The following RIPOR2 variants were observed in gnomAD, a reference collection of about 807,000 sequenced individuals.
The protein encoded by RIPOR2 is rho family-interacting cell polarization regulator 2.
A neutral mutation model predicts 114.5 loss-of-function variants in RIPOR2; 39 were observed. The ratio of observed to expected loss-of-function variants is 0.34; its 90% CI spans 0.26 to 0.44. The LOEUF is 0.44. Ranked by LOEUF, RIPOR2 falls within the 20% of genes least tolerant of loss-of-function variation. RIPOR2 has a pLI of 1.00. For synonymous variants in RIPOR2, 445 were observed against 484.4 expected, an observed-to-expected ratio of 0.92 and a Z score of 1.07; for missense variants, 1,007 against 1,255.1, an observed-to-expected ratio of 0.80 and a Z score of 2.99.
chr6:24,848,871 C>G (rs553503584), intron 11 of RIPOR2, among the ~76,000 whole-genome samples: 51 of 152,266 alleles, frequency 3.3e-4, no homozygotes, highest in African/African-American at 1.2e-3. Flanking sequence ...GGCAATATAC[C>G]GGGGGCATTA....
Position 24,842,943 on chromosome 6 carries a change from A to G in RIPOR2, c.1776T>C (p.Leu592=). The G allele has an allele frequency of 1.3e-6, 2 of 1,522,140 alleles. No individual in the cohort carries two copies. The highest frequency in any genetic ancestry group is 1.3e-5 in the South Asian group (1 of 75,298). The allele number at this position is 1,522,140 out of a possible 1,614,324, so 94.3% of individuals were successfully genotyped here. A position where few individuals can be genotyped will look rare whatever the true frequency, so the allele number is the denominator to read the frequency against. The change falls in exon 13 of 22, where the codon CTT becomes CTC. Residue 592 remains leucine, a synonymous_variant. Coordinates refer to ENST00000643898, the MANE Select transcript of RIPOR2 (RefSeq NM_001286445.3). ...SLEDAFNGLL[L]ALEPHKEQYK... ...ACTGCTCTTTATGTGGTTCTAATGC[A>G]AGTAAAAGCCCATTAAAAGCATCCT...
intron 1 of RIPOR2, chr6:24,898,589 A>C (rs1768106330): frequency 6.6e-6 from 1 of 152,246 alleles, no homozygotes. Flanking sequence ...ATAAGAAAAT[A>C]AGAATGAAGA....
At chr6:25,025,375 ACT>A (rs927071640) in intron 1 of RIPOR2, among the ~76,000 whole-genome samples, 9 of 151,866 alleles carry the variant, frequency 5.9e-5, no homozygotes, top group Admixed American at 3.3e-4. Flanking sequence ...TTCTATAGAA[ACT>A]CTCTGTTGAA....
chr6:24,913,366 C>T (rs964385870), intron 1 of RIPOR2, among the ~76,000 whole-genome samples: 7 of 152,094 alleles, frequency 4.6e-5, no homozygotes, highest in South Asian at 4.1e-4. Flanking sequence ...GGGAGCAGAA[C>T]GTGTGGAGTA....
chr6:24,996,217 G>A (rs1314049184), intron 1 of RIPOR2, among the ~76,000 whole-genome samples: 1 of 152,048 alleles, frequency 6.6e-6, no homozygotes, highest in Non-Finnish European at 1.5e-5. Flanking sequence ...TTTTCATGTG[G>A]TCTTTCACCA....
Position 24,870,857 on chromosome 6 carries a change from G to A in RIPOR2, c.447+9C>T. On this transcript the variant is annotated intron_variant, in intron 5 of 21. Transcript: ENST00000643898. ...CTTATTAGCACCCCAACACGGAATGGCAACTTACCTTGTCTAGGTCATACA... is the reference window on the plus strand; with the variant it reads ...CTTATTAGCACCCCAACACGGAATGACAACTTACCTTGTCTAGGTCATACA... 2.5e-6 allele frequency: 4 copies of A among 1,601,968 alleles called. No individual in the cohort carries two copies. Among genetic ancestry groups the A allele is most frequent in the East Asian group, 2.3e-5 (1 of 44,426 alleles).
At chr6:24,941,868 G>A (rs1489453169) in intron 1 of RIPOR2, among the ~76,000 whole-genome samples, 2 of 152,084 alleles carry the variant, frequency 1.3e-5, no homozygotes, top group Non-Finnish European at 2.9e-5. Context: ...TGGTGTGGGA[G>A]CTACAGAAAG....
At chr6:24,832,599 G>T (rs1760775016) in intron 15 of RIPOR2, among the ~76,000 whole-genome samples, 1 of 152,134 alleles carries the variant, frequency 6.6e-6, no homozygotes, top group African/African-American at 2.4e-5. Context: ...TTCTTCGTGT[G>T]TGCATAAATT....
intron 1 of RIPOR2, among the ~76,000 whole-genome samples, chr6:24,945,939 C>T (rs1348294923): frequency 6.6e-6 from 1 of 152,074 alleles, no homozygotes; most frequent in Non-Finnish European, 1.5e-5. Flanking sequence ...TCCTGTCTCA[C>T]TGTAGCAAAA....
upstream of RIPOR2, chr6:25,042,043 T>C (rs925560385): frequency 4.3e-6 from 2 of 468,922 alleles, no homozygotes; most frequent in South Asian, 3.1e-5. Context: ...AACCCCCCCC[T>C]TTTTGTTCTT....
chr6:24,890,357 G>A (rs866794788), intron 1 of RIPOR2, among the ~76,000 whole-genome samples: 9 of 152,152 alleles, frequency 5.9e-5, no homozygotes, highest in South Asian at 2.1e-4. Flanking sequence ...AGCAACATGG[G>A]TGGAACTGGA....
chr6:24,925,759 G>A (rs1204263645), intron 1 of RIPOR2, among the ~76,000 whole-genome samples: 1 of 151,856 alleles, frequency 6.6e-6, no homozygotes, highest in East Asian at 1.9e-4. Flanking sequence ...AGCTGGTACT[G>A]TTTTCAACCT....
intron 10 of RIPOR2, 104 bp from the exon 11 acceptor site, chr6:24,850,054 G>T: frequency 6.1e-6 from 5 of 824,046 alleles, no homozygotes; most frequent in Non-Finnish European, 9.3e-6. Flanking sequence ...ATTTCTTTCA[G>T]AATCATATCT....
chr6:24,998,022 G>A (rs1368441861), intron 1 of RIPOR2, among the ~76,000 whole-genome samples: 1 of 152,208 alleles, frequency 6.6e-6, no homozygotes, highest in African/African-American at 2.4e-5. Flanking sequence ...TAGGAATAGA[G>A]CTTGATTTGG....
intron 1 of RIPOR2, among the ~76,000 whole-genome samples, chr6:24,915,279 T>G (rs1239717951): frequency 6.6e-6 from 1 of 152,172 alleles, no homozygotes; most frequent in Non-Finnish European, 1.5e-5. Flanking sequence ...AGTATAATCT[T>G]TTGGCCTCCA....
At chr6:24,937,944 C>T (rs1343812516), upstream of RIPOR2, among the ~76,000 whole-genome samples, 2 of 152,124 alleles carry the variant, frequency 1.3e-5, no homozygotes, top group Non-Finnish European at 2.9e-5. Context: ...TCAGAACTAC[C>T]TGGTTACCAC....
Position 25,037,531 on chromosome 6 carries a change from G to A in RIPOR2, c.76+4320C>T, listed in dbSNP as rs529724311. ...CACCAGATAGGTCCTTCTCCCGAAT[G>A]TCTGCTCAGTATCACACATGTGTGT... is the stretch of plus-strand genomic sequence containing the variant. On this transcript the variant is annotated intron_variant, in intron 1 of 13. Coordinates refer to the RIPOR2 transcript ENST00000510784. The surrounding 1 kb of genome is among the most constrained non-coding windows in gnomAD (Gnocchi z 4.5). Among the ~76,000 whole-genome samples the A allele has an allele frequency of 3.3e-5, 5 of 152,282 alleles. No individual in the cohort carries two copies. The highest frequency in any genetic ancestry group is 1.2e-4 in the African/African-American group (5 of 41,548).
intron 14 of RIPOR2, 166 bp from the exon 15 acceptor site, chr6:24,836,037 G>T: frequency 1.6e-6 from 1 of 634,610 alleles, no homozygotes; most frequent in Non-Finnish European, 2.7e-6. Flanking sequence ...ATTCAGCCTG[G>T]TCACCAAATT....
intron 1 of RIPOR2, among the ~76,000 whole-genome samples, chr6:24,956,067 T>C (rs1439328702): frequency 1.3e-5 from 2 of 151,578 alleles, no homozygotes; most frequent in African/African-American, 4.8e-5. Context: ...ATCATATCCA[T>C]ATTGAAAATG....
Sources: allele counts gnomAD v4.1 joint callset (sites outside exome capture counted in the v4.1 genomes callset), GRCh38; gene constraint gnomAD v4.1.1; non-coding constraint Gnocchi (gnomAD v3.1); transcripts MANE v1.5; gene names NCBI Gene and HGNC (gene_info 2026-07-23, HGNC 2026-07-21).